Variants in CDH13 observed in about 807,000 individuals in gnomAD.
CDH13 encodes cadherin-13.
Under a neutral mutation model 63.8 loss-of-function variants are expected in CDH13, and 24 were observed. The observed-to-expected ratio is 0.38, with a 90% CI of 0.27 to 0.53. The LOEUF (loss-of-function observed/expected upper bound fraction) is 0.53. Ranked by LOEUF, CDH13 falls within the 20% of genes least tolerant of loss-of-function variation. CDH13 has a pLI of 0.85. For missense variants in CDH13, 1,049 were observed against 903.1 expected (o/e 1.16, Z -2.07); for synonymous variants, 503 against 355.3 (o/e 1.42, Z -4.67).
intron 2 of CDH13, among the ~76,000 whole-genome samples, chr16:82,916,153 A>G (rs2041980639): frequency 6.6e-6 from 1 of 152,132 alleles, no homozygotes; most frequent in South Asian, 2.1e-4. Context: ...GCAAGCGTTT[A>G]TTTGTCACTT....
At chr16:82,676,615 A>G (rs780856688) in intron 1 of CDH13, among the ~76,000 whole-genome samples, 1 of 149,556 alleles carries the variant, frequency 6.7e-6, no homozygotes, top group Non-Finnish European at 1.5e-5. Flanking sequence ...AAGCTTCAGT[A>G]TGATGCATAT....
intron 3 of CDH13, among the ~76,000 whole-genome samples, chr16:83,065,729 C>G (rs199621468): frequency 1.4e-5 from 2 of 145,008 alleles, no homozygotes; most frequent in Non-Finnish European, 3.0e-5. Context: ...AACAAAAAAA[C>G]AAAAAAAAAA....
At chr16:82,896,469 T>C (rs958426868) in intron 2 of CDH13, among the ~76,000 whole-genome samples, 2 of 147,586 alleles carry the variant, frequency 1.4e-5, no homozygotes, top group Non-Finnish European at 3.0e-5. Context: ...AATTTTTGTA[T>C]TTTTTTTTTA....
intron 3 of CDH13, among the ~76,000 whole-genome samples, chr16:83,085,247 C>G (rs1055509978): frequency 1.3e-5 from 2 of 152,044 alleles, no homozygotes; most frequent in African/African-American, 4.8e-5. Context: ...GCAGAAACCC[C>G]TGATAAACCC....
chr16:83,179,009 C>T (rs1764113800), intron 4 of CDH13, among the ~76,000 whole-genome samples: 1 of 152,178 alleles, frequency 6.6e-6, no homozygotes, highest in Non-Finnish European at 1.5e-5. Flanking sequence ...TATTTTTACA[C>T]AACTATTTGT....
At chr16:83,570,986 C>T (rs1904569272) in intron 7 of CDH13, among the ~76,000 whole-genome samples, 1 of 122,410 alleles carries the variant, frequency 8.2e-6, no homozygotes, top group Non-Finnish European at 1.8e-5. Context: ...CCTTCTGGCG[C>T]CACCCAAGGG....
intron 1 of CDH13, among the ~76,000 whole-genome samples, chr16:82,683,770 A>C (rs1206974443): frequency 6.6e-6 from 1 of 152,246 alleles, no homozygotes; most frequent in Admixed American, 6.5e-5. Flanking sequence ...AATGAGACTC[A>C]AGCCAAGAAG....
rs894570343 is a variant in CDH13 at position 82,994,489 on chromosome 16, C to T, written c.158-37521C>T. 3.3e-5 allele frequency among the ~76,000 whole-genome samples: 5 copies of T among 152,176 alleles called. No homozygotes were observed. The East Asian group carries it at 7.7e-4, about 23-fold the overall frequency. On this transcript the variant is annotated intron_variant, in intron 2 of 13. Coordinates refer to ENST00000567109, the MANE Select transcript of CDH13 (RefSeq NM_001257.5). ...AGCAAAGAGACCATGGAGAGCGTAGCCTTTCATCGTAATCTCCCAACCTTT... is the reference window on the plus strand; with the variant it reads ...AGCAAAGAGACCATGGAGAGCGTAGTCTTTCATCGTAATCTCCCAACCTTT...
At chr16:83,035,205 G>A (rs1048079065) in intron 3 of CDH13, among the ~76,000 whole-genome samples, 3 of 152,194 alleles carry the variant, frequency 2.0e-5, no homozygotes, top group African/African-American at 7.2e-5. Flanking sequence ...AGGTCCTACT[G>A]TGTGCAGCCA....
chr16:83,577,032 G>A (rs965320425), intron 7 of CDH13, among the ~76,000 whole-genome samples: 2 of 152,160 alleles, frequency 1.3e-5, no homozygotes, highest in Non-Finnish European at 2.9e-5. Flanking sequence ...GCATTTAGAT[G>A]ACATTTGTGG....
At chr16:83,265,216 C>G (rs7194951) in intron 5 of CDH13, among the ~76,000 whole-genome samples, 61,498 of 151,994 alleles carry the variant, frequency 0.4, 12,748 homozygotes, top group East Asian at 0.54. Context: ...GCTTCTCAGC[C>G]ATCACCCTGA....
intron 5 of CDH13, among the ~76,000 whole-genome samples, chr16:83,228,252 C>G (rs2039900221): frequency 6.6e-6 from 1 of 152,218 alleles, no homozygotes; most frequent in Non-Finnish European, 1.5e-5. Flanking sequence ...TCTGGTGGGT[C>G]AGGCATGCTG....
chr16:82,876,838 CT>C (rs2040523075), intron 2 of CDH13, among the ~76,000 whole-genome samples: 1 of 152,148 alleles, frequency 6.6e-6, no homozygotes, highest in Non-Finnish European at 1.5e-5. Flanking sequence ...CATACAGTTA[CT>C]GAGTTTGGAG....
At chr16:82,925,785 A>T (rs529279648) in intron 2 of CDH13, among the ~76,000 whole-genome samples, 1 of 152,318 alleles carries the variant, frequency 6.6e-6, no homozygotes, top group East Asian at 1.9e-4. Context: ...CCTTGACCTC[A>T]ATAATATACC....
chr16:83,197,747 CA>C (rs1289007532), intron 4 of CDH13, among the ~76,000 whole-genome samples: 1 of 151,682 alleles, frequency 6.6e-6, no homozygotes, highest in East Asian at 1.9e-4. Context: ...GATAAAACTG[CA>C]AAAAACTAAA....
intron 6 of CDH13, among the ~76,000 whole-genome samples, chr16:83,472,460 G>T (rs2073480928): frequency 6.6e-6 from 1 of 152,242 alleles, no homozygotes; most frequent in South Asian, 2.1e-4. Context: ...TGACTCTGGA[G>T]CCCTGAGGTC....
At chr16:83,580,062 A>T (rs1020842421) in intron 7 of CDH13, among the ~76,000 whole-genome samples, 1 of 152,042 alleles carries the variant, frequency 6.6e-6, no homozygotes, top group Admixed American at 6.6e-5. Flanking sequence ...TAGATAATGG[A>T]TGAGGGGAGG....
intron 7 of CDH13, among the ~76,000 whole-genome samples, chr16:83,578,653 C>T (rs758740408): frequency 2.0e-5 from 3 of 152,200 alleles, no homozygotes; most frequent in Non-Finnish European, 4.4e-5. Flanking sequence ...GCATGCCCAG[C>T]AGTGCCCTTG....
chr16:83,662,348 T>C (rs980365092), intron 8 of CDH13, among the ~76,000 whole-genome samples: 1 of 152,178 alleles, frequency 6.6e-6, no homozygotes, highest in Non-Finnish European at 1.5e-5. Context: ...GGAGATAACA[T>C]GCAAATCCTT....
Sources: gnomAD v4.1 joint callset for allele counts (sites outside exome capture counted in the v4.1 genomes callset) on GRCh38, gnomAD v4.1.1 for gene constraint, MANE v1.5 for transcripts, NCBI Gene and HGNC (gene_info 2026-07-23, HGNC 2026-07-21) for gene names.